Variants in RABGAP1L observed in about 807,000 individuals in gnomAD.
The protein encoded by RABGAP1L is RAB GTPase activating protein 1 like.
RABGAP1L carries 63 observed loss-of-function variants against 137.7 expected under a neutral mutation model. The observed-to-expected ratio is 0.46, with a 90% CI of 0.37 to 0.56. The LOEUF (loss-of-function observed/expected upper bound fraction) is 0.56. Among genes scored for constraint, RABGAP1L ranks in the 20% least tolerant of loss-of-function variants. The pLI, the probability that RABGAP1L is intolerant of heterozygous loss-of-function variation, is 0.00. For missense variants in RABGAP1L, 1,095 were observed against 1,244.0 expected, an observed-to-expected ratio of 0.88 and a Z score of 1.80; for synonymous variants, 431 against 433.7, an observed-to-expected ratio of 0.99 and a Z score of 0.08.
intron 11 of RABGAP1L, among the ~76,000 whole-genome samples, chr1:174,323,235 C>T (rs1023152514): frequency 1.3e-5 from 2 of 151,742 alleles, no homozygotes; most frequent in African/African-American, 4.8e-5. Context: ...CTCATTTTAG[C>T]CCTGAGAAAT....
chr1:174,253,534 C>G (rs756749739), intron 7 of RABGAP1L, among the ~76,000 whole-genome samples: 1 of 152,022 alleles, frequency 6.6e-6, no homozygotes, highest in South Asian at 2.1e-4. Context: ...AAAGTTAATT[C>G]AATACCTAGT....
intron 11 of RABGAP1L, among the ~76,000 whole-genome samples, chr1:174,327,950 G>A (rs1437357098): frequency 9.1e-6 from 1 of 109,836 alleles, no homozygotes; most frequent in Non-Finnish European, 1.7e-5. Flanking sequence ...GGATATAACA[G>A]TTGTAAATAT....
At chr1:174,389,791 C>G (rs1415523107) in intron 12 of RABGAP1L, among the ~76,000 whole-genome samples, 1 of 152,128 alleles carries the variant, frequency 6.6e-6, no homozygotes, top group Non-Finnish European at 1.5e-5. Context: ...GACAAAGATT[C>G]TTGCCATTGT....
At chr1:174,833,622 A>T (rs1410998844) in intron 19 of RABGAP1L, among the ~76,000 whole-genome samples, 1 of 150,374 alleles carries the variant, frequency 6.7e-6, no homozygotes, top group Admixed American at 6.7e-5. Context: ...GATCATTTAC[A>T]TGGCATCCAC....
chr1:174,827,998 T>C (rs751682715), intron 19 of RABGAP1L, among the ~76,000 whole-genome samples: 2 of 148,404 alleles, frequency 1.3e-5, no homozygotes, highest in African/African-American at 4.9e-5. Flanking sequence ...CAACAACATA[T>C]GTTGAATACT....
intron 7 of RABGAP1L, among the ~76,000 whole-genome samples, chr1:174,269,809 C>T (rs1449344243): frequency 6.6e-6 from 1 of 152,078 alleles, no homozygotes; most frequent in African/African-American, 2.4e-5. Flanking sequence ...CTTATTTTCC[C>T]CCCCACTATA....
chr1:174,374,780 C>T (rs1024275132), intron 12 of RABGAP1L, among the ~76,000 whole-genome samples: 2 of 152,090 alleles, frequency 1.3e-5, no homozygotes, highest in African/African-American at 2.4e-5. Context: ...TTTTATAAAC[C>T]TGCTCATGTA....
intron 13 of RABGAP1L, among the ~76,000 whole-genome samples, chr1:174,416,039 C>CATATACAT (rs1417625903): frequency 1.8e-4 from 14 of 76,538 alleles, no homozygotes; most frequent in African/African-American, 4.2e-4. Context: ...TATATATACA[C>CATATACAT]ACACATTTTT....
intron 17 of RABGAP1L, among the ~76,000 whole-genome samples, chr1:174,732,614 A>C (rs1241589972): frequency 2.0e-5 from 3 of 152,218 alleles, no homozygotes; most frequent in African/African-American, 7.2e-5. Context: ...AATTCAACCA[A>C]GTGTTCTCTA....
intron 17 of RABGAP1L, among the ~76,000 whole-genome samples, chr1:174,724,708 T>A (rs1254398427): frequency 6.6e-6 from 1 of 152,190 alleles, no homozygotes; most frequent in Non-Finnish European, 1.5e-5. Context: ...TCTATAGTGC[T>A]AATACACTAA....
intron 10 of RABGAP1L, among the ~76,000 whole-genome samples, chr1:174,281,087 G>A (rs1335345345): frequency 6.6e-6 from 1 of 152,170 alleles, no homozygotes; most frequent in African/African-American, 2.4e-5. Flanking sequence ...CCTTCGCGGT[G>A]AGTGTTACAG....
At chr1:174,493,813 C>A (rs1660488924) in intron 13 of RABGAP1L, among the ~76,000 whole-genome samples, 1 of 139,920 alleles carries the variant, frequency 7.1e-6, no homozygotes, top group African/African-American at 2.7e-5. Flanking sequence ...GGGAGTGAGA[C>A]CCTGTCTGAA....
intron 19 of RABGAP1L, among the ~76,000 whole-genome samples, chr1:174,870,180 A>C (rs1375986342): frequency 6.6e-6 from 1 of 152,240 alleles, no homozygotes. Context: ...TTTGCAAATT[A>C]CCATAGGCTA....
At chr1:174,395,664 A>G (rs1232213186) in intron 13 of RABGAP1L, among the ~76,000 whole-genome samples, 1 of 152,134 alleles carries the variant, frequency 6.6e-6, no homozygotes, top group Non-Finnish European at 1.5e-5. Flanking sequence ...AAAAGCATAT[A>G]AACACAACAC....
intron 11 of RABGAP1L, among the ~76,000 whole-genome samples, chr1:174,354,279 A>G (rs1236975454): frequency 6.6e-6 from 1 of 151,022 alleles, no homozygotes; most frequent in East Asian, 1.9e-4. Flanking sequence ...TAATTTTATT[A>G]ATTAATTAAT....
At chr1:174,746,154 G>A (rs935578216) in intron 17 of RABGAP1L, among the ~76,000 whole-genome samples, 1 of 152,180 alleles carries the variant, frequency 6.6e-6, no homozygotes, top group African/African-American at 2.4e-5. Flanking sequence ...TTGTTTCAGT[G>A]AGTGCTCTAC....
At chr1:174,683,378 G>A in intron 14 of RABGAP1L, 144 bp from the exon 15 acceptor site, 1 of 596,588 alleles carries the variant, frequency 1.7e-6, no homozygotes, top group Non-Finnish European at 3.0e-6. Context: ...CTGTGCTAGT[G>A]GTATACAGAT....
chr1:174,913,129 C>G (rs970266451), intron 19 of RABGAP1L, among the ~76,000 whole-genome samples: 2 of 152,120 alleles, frequency 1.3e-5, no homozygotes, highest in African/African-American at 4.8e-5. Context: ...GTGTATGCCA[C>G]CACGCCTGGC....
At chr1:174,917,051 A>G (rs2149214905) in intron 19 of RABGAP1L, among the ~76,000 whole-genome samples, 1 of 152,314 alleles carries the variant, frequency 6.6e-6, no homozygotes, top group Non-Finnish European at 1.5e-5. Flanking sequence ...TTGTATTCTC[A>G]CATGGCAGAG....
Sources: allele counts gnomAD v4.1 joint callset (sites outside exome capture counted in the v4.1 genomes callset), GRCh38; gene constraint gnomAD v4.1.1; transcripts MANE v1.5; gene names NCBI Gene and HGNC (gene_info 2026-07-23, HGNC 2026-07-21).